Variants in MYO1B observed in about 807,000 individuals in gnomAD.
MYO1B encodes the protein unconventional myosin-Ib.
Under a neutral mutation model 159.7 loss-of-function variants are expected in MYO1B, and 72 were observed. The observed-to-expected ratio is 0.45, with a 90% CI of 0.37 to 0.55. MYO1B has a LOEUF of 0.55. MYO1B is among the 20% of genes least tolerant of loss of function. The pLI is 0.00. For synonymous variants in MYO1B, 468 were observed against 473.8 expected (o/e 0.99, Z 0.16); for missense variants, 1,062 against 1,364.8 (o/e 0.78, Z 3.50).
In MYO1B at chr2:191,424,787, A is replaced by C. The variant is rs979014885; in HGVS notation, c.*827A>C. ...CATATATGATCCTCGAAATGATAAT[A>C]TCTCCAGAATATTGTTTTCACCCAA... On this transcript the variant is annotated 3_prime_UTR_variant, in exon 31 of 31. Coordinates refer to ENST00000392318, the MANE Select transcript of MYO1B (RefSeq NM_001130158.3). The C allele has an allele frequency of 6.6e-6, 1 of 152,596 alleles. No homozygotes were observed. Among genetic ancestry groups the C allele is most frequent in the Non-Finnish European group, 1.5e-5 (1 of 68,020 alleles). 9.5% of individuals were successfully genotyped at this position (152,596 alleles called of 1,614,324 possible).
At chr2:191,274,385 G>A (rs1489690644) in intron 1 of MYO1B, among the ~76,000 whole-genome samples, 12 of 152,228 alleles carry the variant, frequency 7.9e-5, no homozygotes, top group Non-Finnish European at 7.3e-5. Context: ...TACAGAGAAA[G>A]ATTGGCTGCT....
intron 8 of MYO1B, 50 bp downstream of exon 8, chr2:191,360,779 T>A (rs1693618526): frequency 1.5e-6 from 2 of 1,363,300 alleles, no homozygotes; most frequent in African/African-American, 1.4e-5. Context: ...TTGTTGTTGT[T>A]GTTGTTGTTG....
At chr2:191,412,998 T>C (rs995666349) in intron 27 of MYO1B, among the ~76,000 whole-genome samples, 1 of 152,196 alleles carries the variant, frequency 6.6e-6, no homozygotes, top group Non-Finnish European at 1.5e-5. Context: ...TCATATGGGT[T>C]ATGAGTGATT....
chr2:191,267,412 A>G (rs765722655), intron 1 of MYO1B, among the ~76,000 whole-genome samples: 15 of 152,206 alleles, frequency 9.9e-5, no homozygotes, highest in African/African-American at 3.4e-4. Flanking sequence ...CTAGCATTCC[A>G]TTAGACATTT....
chr2:191,403,653 T>A (rs1481712390), intron 24 of MYO1B, among the ~76,000 whole-genome samples: 1 of 152,182 alleles, frequency 6.6e-6, no homozygotes, highest in Non-Finnish European at 1.5e-5. Context: ...CTTTGAACAA[T>A]CTGCATTTTT....
chr2:191,329,969 C>A lies in MYO1B; in HGVS notation c.286C>A (p.Arg96=). 2 of 1,612,386 alleles carry A rather than the reference C, an allele frequency of 1.2e-6. No individual in the cohort carries two copies. Among genetic ancestry groups the A allele is most frequent in the South Asian group, 1.1e-5 (1 of 90,930 alleles). The change falls in exon 4 of 31, where the codon CGA becomes AGA. Residue 96 remains arginine (R), a synonymous_variant. Coordinates refer to ENST00000392318, the MANE Select transcript of MYO1B (RefSeq NM_001130158.3). ...ALSDEAYRSL[R]DQDKDQCILI... Reference sequence around the variant, plus strand: ...TTCGGATGAAGCATACAGATCCCTACGAGATCAAGATAAGGACCAATGTAT... The same window carrying A: ...TTCGGATGAAGCATACAGATCCCTAAGAGATCAAGATAAGGACCAATGTAT...
At chr2:191,328,885 G>A (rs571336050) in intron 3 of MYO1B, among the ~76,000 whole-genome samples, 1 of 152,212 alleles carries the variant, frequency 6.6e-6, no homozygotes, top group Non-Finnish European at 1.5e-5. Context: ...CCACCCCTTT[G>A]AGGTTTGTCT....
At chr2:191,399,828 T>C (rs1170275587) in intron 21 of MYO1B, among the ~76,000 whole-genome samples, 1 of 152,196 alleles carries the variant, frequency 6.6e-6, no homozygotes, top group Admixed American at 6.5e-5. Flanking sequence ...GGGCCCCGTT[T>C]ATAGGCGAGA....
chr2:191,280,743 A>G (rs1393381830), intron 2 of MYO1B, among the ~76,000 whole-genome samples: 2 of 152,218 alleles, frequency 1.3e-5, no homozygotes, highest in Non-Finnish European at 2.9e-5. Context: ...ATCTATTCAC[A>G]CACTAAGAAG....
At chr2:191,290,321 C>G (rs1357211063) in intron 2 of MYO1B, among the ~76,000 whole-genome samples, 1 of 152,150 alleles carries the variant, frequency 6.6e-6, no homozygotes, top group Admixed American at 6.6e-5. Context: ...CACATGTATG[C>G]AGACTTCAAT....
At chr2:191,283,325 G>A (rs1395423350) in intron 2 of MYO1B, among the ~76,000 whole-genome samples, 1 of 10,012 alleles carries the variant, frequency 1.0e-4, no homozygotes, top group African/African-American at 1.1e-4. Context: ...TAAACCTAAG[G>A]TTTGATTTGA....
chr2:191,285,957 AG>A (rs1276837270), intron 2 of MYO1B, among the ~76,000 whole-genome samples: 1 of 152,200 alleles, frequency 6.6e-6, no homozygotes, highest in Non-Finnish European at 1.5e-5. Flanking sequence ...AGCAGCTGAA[AG>A]AGCCTGACCA....
intron 14 of MYO1B, among the ~76,000 whole-genome samples, chr2:191,382,294 A>G (rs1179657001): frequency 1.3e-5 from 2 of 152,192 alleles, no homozygotes; most frequent in South Asian, 4.1e-4. Flanking sequence ...GCCATTAAGG[A>G]CACTGAATTC....
chr2:191,330,579 A>G (rs1691406836), intron 4 of MYO1B, among the ~76,000 whole-genome samples: 1 of 152,230 alleles, frequency 6.6e-6, no homozygotes, highest in African/African-American at 2.4e-5. Flanking sequence ...CTTTTAATAA[A>G]TGCAATTCAT....
chr2:191,380,345 C>T (rs989619630), intron 13 of MYO1B, among the ~76,000 whole-genome samples: 1 of 152,200 alleles, frequency 6.6e-6, no homozygotes, highest in African/African-American at 2.4e-5. Context: ...TCACAAGGAG[C>T]AGTGAGCTTT....
chr2:191,325,731 G>A (rs1691014993), intron 3 of MYO1B, among the ~76,000 whole-genome samples: 1 of 152,180 alleles, frequency 6.6e-6, no homozygotes, highest in Admixed American at 6.5e-5. Flanking sequence ...TGATGGCCAT[G>A]AAAGCAGAAC....
Position 191,414,169 on chromosome 2 carries a change from G to A in MYO1B, c.2995G>A (p.Ala999Thr). The change falls in exon 28 of 31, where the codon GCT becomes ACT. Residue 999 changes from alanine (A) to threonine (T), a missense_variant. Ala to Thr is a moderately conservative substitution (Grantham distance 58). This residue lies in a region of MYO1B where 609 missense variants were observed against 744.4 expected (regional missense o/e 0.82). Transcript: ENST00000392318. ...TGAAGTCGTGAACAAAATTAACCGT[G>A]CTAATGGGAAGGTAAAAATGCTAAC... is the stretch of plus-strand genomic sequence containing the variant. ...IAEVVNKINR[A>T]NGKSTSRIFL... is the part of the protein sequence containing the mutation. 1.2e-6 allele frequency: 2 copies of A among 1,611,306 alleles called. No homozygotes were observed. Among genetic ancestry groups the A allele is most frequent in the Non-Finnish European group, 8.5e-7 (1 of 1,179,064 alleles).
intron 21 of MYO1B, among the ~76,000 whole-genome samples, chr2:191,398,288 G>C (rs1341539204): frequency 1.6e-4 from 17 of 105,256 alleles, no homozygotes; most frequent in East Asian, 5.1e-4. Flanking sequence ...CTGGCCGGGC[G>C]GGGGGCTGAC....
In MYO1B at chr2:191,329,034, T is replaced by G. The variant is rs148884553; in HGVS notation, c.252-901T>G. On this transcript the variant is annotated intron_variant, in intron 3 of 30. Coordinates refer to ENST00000392318, the MANE Select transcript of MYO1B (RefSeq NM_001130158.3). ...GCATTAATTGTCTCTACACTCCAGC[T>G]TTTTCTTGACACATAGTAGACTCTC... Among the ~76,000 whole-genome samples the G allele has an allele frequency of 5.8e-4, 88 of 152,324 alleles. 1 individual carries two copies. In the East Asian group the frequency reaches 0.016, roughly 28 times the overall value.
Sources: allele counts gnomAD v4.1 joint callset (sites outside exome capture counted in the v4.1 genomes callset), GRCh38; gene constraint gnomAD v4.1.1; regional missense constraint gnomAD v4.1.1; transcripts MANE v1.5; gene names NCBI Gene and HGNC (gene_info 2026-07-23, HGNC 2026-07-21).